Variants in SEM1 observed in about 807,000 individuals in gnomAD.
SEM1 encodes 26S proteasome complex subunit SEM1.
SEM1 carries 3 observed loss-of-function variants against 12.7 expected under a neutral mutation model. The ratio of observed to expected loss-of-function variants is 0.24; its 90% confidence interval spans 0.11 to 0.61. The LOEUF (loss-of-function observed/expected upper bound fraction) is 0.61. SEM1 is among the 20% of genes least tolerant of loss of function. The pLI, the probability that SEM1 is intolerant of heterozygous loss-of-function variation, is 0.88. For synonymous variants in SEM1, 30 were observed against 27.8 expected, an observed-to-expected ratio of 1.08 and a Z score of -0.25; for missense variants, 59 against 81.3, an observed-to-expected ratio of 0.73 and a Z score of 1.06.
intron 2 of SEM1, among the ~76,000 whole-genome samples, chr7:96,600,694 T>A (rs1405149064): frequency 6.6e-6 from 1 of 152,134 alleles, no homozygotes; most frequent in African/African-American, 2.4e-5. Flanking sequence ...GGTAATGACA[T>A]CCTGACAGGT....
intron 2 of SEM1, among the ~76,000 whole-genome samples, chr7:96,528,359 T>G (rs552758390): frequency 6.6e-6 from 1 of 152,198 alleles, no homozygotes; most frequent in East Asian, 1.9e-4. Flanking sequence ...ACCTGGCTAA[T>G]TTTTGTAATT....
intron 2 of SEM1, among the ~76,000 whole-genome samples, chr7:96,565,148 C>G (rs541982407): frequency 1.6e-4 from 25 of 152,038 alleles, no homozygotes; most frequent in African/African-American, 5.5e-4. Context: ...GGGTTTTAGT[C>G]AAACCATTAT....
At chr7:96,553,796 T>C (rs1449612267) in intron 2 of SEM1, among the ~76,000 whole-genome samples, 1 of 152,184 alleles carries the variant, frequency 6.6e-6, no homozygotes, top group Non-Finnish European at 1.5e-5. Flanking sequence ...AGTATGGCCA[T>C]TTTCACGATA....
In SEM1 at chr7:96,505,854, C is replaced by T. The variant is rs895555531; in HGVS notation, c.*60+769G>A. On this transcript the variant is annotated intron_variant and NMD_transcript_variant, in intron 3 of 3. Transcript: ENST00000466986. ...TCACCTTGGGAATTAGGATTTCAACCTGTGAATTCTAGGGGGACACAAACA... is the reference window on the plus strand; with the variant it reads ...TCACCTTGGGAATTAGGATTTCAACTTGTGAATTCTAGGGGGACACAAACA... 4.9e-4 allele frequency among the ~76,000 whole-genome samples: 75 copies of T among 152,082 alleles called. 1 individual carries two copies. Among genetic ancestry groups the T allele is most frequent in the African/African-American group, 1.7e-3 (71 of 41,414 alleles).
At chr7:96,564,447 C>T (rs906810917) in intron 2 of SEM1, among the ~76,000 whole-genome samples, 3 of 152,032 alleles carry the variant, frequency 2.0e-5, no homozygotes, top group Non-Finnish European at 4.4e-5. Context: ...TCCCAGCTCT[C>T]ATTGCAAAAG....
chr7:96,586,873 G>A (rs1199684055), intron 2 of SEM1, among the ~76,000 whole-genome samples: 2 of 152,178 alleles, frequency 1.3e-5, no homozygotes, highest in African/African-American at 4.8e-5. Flanking sequence ...TAGAATACCT[G>A]AGATTTGAGC....
At chr7:96,586,330 C>G (rs1395943361) in intron 2 of SEM1, among the ~76,000 whole-genome samples, 2 of 152,098 alleles carry the variant, frequency 1.3e-5, no homozygotes, top group Non-Finnish European at 2.9e-5. Context: ...GACACAAATC[C>G]CAGAGGCTGT....
At chr7:96,701,293 T>A (rs938332811) in intron 1 of SEM1, among the ~76,000 whole-genome samples, 1 of 151,596 alleles carries the variant, frequency 6.6e-6, no homozygotes, top group Non-Finnish European at 1.5e-5. Flanking sequence ...CTCAATATGA[T>A]GGTATTCGGG....
chr7:96,657,065 C>T (rs1208543043), intron 2 of SEM1, among the ~76,000 whole-genome samples: 1 of 151,956 alleles, frequency 6.6e-6, no homozygotes, highest in Non-Finnish European at 1.5e-5. Flanking sequence ...TCCACAGAGA[C>T]ATAAAATTTA....
chr7:96,581,538 T>C (rs901268783), intron 2 of SEM1, among the ~76,000 whole-genome samples: 1 of 152,158 alleles, frequency 6.6e-6, no homozygotes, highest in African/African-American at 2.4e-5. Flanking sequence ...GGGGATGACA[T>C]TGAATCTGTA....
At chr7:96,641,372 C>T (rs1206991495) in intron 2 of SEM1, among the ~76,000 whole-genome samples, 1 of 151,706 alleles carries the variant, frequency 6.6e-6, no homozygotes, top group Non-Finnish European at 1.5e-5. Flanking sequence ...TTTGTGTATG[C>T]TTTTCTTAGA....
At chr7:96,584,574 G>T (rs1011210710) in intron 2 of SEM1, among the ~76,000 whole-genome samples, 7 of 151,688 alleles carry the variant, frequency 4.6e-5, no homozygotes, top group Non-Finnish European at 4.4e-5. Flanking sequence ...TTCCAACTTG[G>T]TTCCATTCTC....
At chr7:96,674,524 C>T (rs113061691) in intron 2 of SEM1, among the ~76,000 whole-genome samples, 3,192 of 151,810 alleles carry the variant, frequency 0.021, 88 homozygotes, top group African/African-American at 0.073. Flanking sequence ...ATTAGCTGAG[C>T]GTGGTGGTGC....
intron 2 of SEM1, among the ~76,000 whole-genome samples, chr7:96,564,760 G>A (rs1452418311): frequency 6.6e-6 from 1 of 151,926 alleles, no homozygotes; most frequent in African/African-American, 2.4e-5. Flanking sequence ...CCTTTTGATG[G>A]CTCTGCTATT....
chr7:96,596,553 T>C (rs1807004170), intron 2 of SEM1, among the ~76,000 whole-genome samples: 1 of 152,136 alleles, frequency 6.6e-6, no homozygotes, highest in Non-Finnish European at 1.5e-5. Flanking sequence ...CAGCCTATTT[T>C]CTCCCCGGGT....
chr7:96,484,829 C>T (rs1299538247), exon 3 of SEM1: 1 of 1,287,358 alleles, frequency 7.8e-7, no homozygotes, highest in South Asian at 1.2e-5. Flanking sequence ...CATTACCTTG[C>T]CCACTTCTTT....
chr7:96,495,562 A>C (rs1046315608), intron 1 of SEM1, among the ~76,000 whole-genome samples: 3 of 152,196 alleles, frequency 2.0e-5, no homozygotes, highest in Non-Finnish European at 4.4e-5. Flanking sequence ...TATCACTGTC[A>C]GCACCAGAGG....
At chr7:96,612,727 C>T (rs1190782690) in intron 2 of SEM1, among the ~76,000 whole-genome samples, 1 of 152,166 alleles carries the variant, frequency 6.6e-6, no homozygotes, top group East Asian at 1.9e-4. Context: ...GCTCTGCCTC[C>T]TGGGTTCACG....
intron 2 of SEM1, among the ~76,000 whole-genome samples, chr7:96,581,138 G>A (rs1584781469): frequency 6.6e-6 from 1 of 152,218 alleles, no homozygotes; most frequent in East Asian, 1.9e-4. Flanking sequence ...GTCTTGAATT[G>A]ATTTTTGTAT....
Sources: gnomAD v4.1 joint callset for allele counts (sites outside exome capture counted in the v4.1 genomes callset) on GRCh38, gnomAD v4.1.1 for gene constraint, MANE v1.5 for transcripts, NCBI Gene and HGNC (gene_info 2026-07-23, HGNC 2026-07-21) for gene names.